Variants in ZMIZ1 observed in about 807,000 individuals in gnomAD.
ZMIZ1 encodes zinc finger MIZ-type containing 1.
A neutral mutation model predicts 113.9 loss-of-function variants in ZMIZ1; 17 were observed. The observed-to-expected ratio is 0.15, with a 90% CI of 0.10 to 0.22. ZMIZ1 has a LOEUF of 0.22. Among genes scored for constraint, ZMIZ1 ranks in the 10% least tolerant of loss-of-function variants. ZMIZ1 has a pLI of 1.00. For missense variants in ZMIZ1, 1,059 were observed against 1,477.8 expected (o/e 0.72, Z 4.65); for synonymous variants, 607 against 603.1 (o/e 1.01, Z -0.09).
chr10:79,173,546 G>A (rs950109227), intron 4 of ZMIZ1, among the ~76,000 whole-genome samples: 2 of 152,128 alleles, frequency 1.3e-5, no homozygotes, highest in Non-Finnish European at 2.9e-5. Context: ...GGAGTGTAAT[G>A]AGGAAGAATT....
At chr10:79,081,148 C>T (rs1344480271) in intron 1 of ZMIZ1, among the ~76,000 whole-genome samples, 2 of 151,868 alleles carry the variant, frequency 1.3e-5, no homozygotes, top group East Asian at 3.9e-4. Flanking sequence ...AAGGATACCT[C>T]TCCCCTAGTT....
chr10:79,215,735 G>T (rs1008196682), intron 6 of ZMIZ1, among the ~76,000 whole-genome samples: 4 of 152,190 alleles, frequency 2.6e-5, no homozygotes, highest in East Asian at 3.9e-4. Flanking sequence ...CCCAGTAGTG[G>T]GTGCAGGAGC....
Position 79,102,600 on chromosome 10 carries a change from T to C in ZMIZ1, c.-336-16315T>C, listed in dbSNP as rs7096176. Among the ~76,000 whole-genome samples the C allele has an allele frequency of 6.9e-3, 1,049 of 152,350 alleles. 13 individuals are homozygous for C. The highest frequency in any genetic ancestry group is 0.024 in the African/African-American group (1,017 of 41,588). ...TGGAGCCACCCAATTTCATGACTTT[T>C]CCATGGGTTCTTACTCCCTAATCCT... On this transcript the variant is annotated intron_variant, in intron 1 of 24. Coordinates refer to ENST00000334512, the MANE Select transcript of ZMIZ1 (RefSeq NM_020338.4).
At chr10:79,292,827 A>T in intron 11 of ZMIZ1, 3 of 462,306 alleles carry the variant, frequency 6.5e-6, no homozygotes, top group South Asian at 4.6e-5. Context: ...TTAGGGGATG[A>T]GGAGAGGGGA....
intron 4 of ZMIZ1, among the ~76,000 whole-genome samples, chr10:79,200,819 A>T (rs1054603764): frequency 4.2e-5 from 6 of 143,958 alleles, no homozygotes; most frequent in Non-Finnish European, 7.7e-5. Flanking sequence ...GCCACCTGAG[A>T]TCTCCACTCA....
chr10:79,220,969 G>A (rs966190361), intron 7 of ZMIZ1, among the ~76,000 whole-genome samples: 5 of 152,132 alleles, frequency 3.3e-5, no homozygotes, highest in East Asian at 1.9e-4. Flanking sequence ...ACCTGTGTGC[G>A]TGTCTGTGTG....
intron 7 of ZMIZ1, among the ~76,000 whole-genome samples, chr10:79,253,302 G>A (rs1211139158): frequency 6.6e-6 from 1 of 152,186 alleles, no homozygotes; most frequent in Non-Finnish European, 1.5e-5. Context: ...AATGGCTGTT[G>A]GATATAGGGT....
intron 8 of ZMIZ1, among the ~76,000 whole-genome samples, chr10:79,282,213 C>T (rs1000589776): frequency 5.3e-5 from 8 of 152,228 alleles, no homozygotes; most frequent in Non-Finnish European, 1.2e-4. Context: ...GAAAGCTGAG[C>T]GCTTTCACAA....
intron 8 of ZMIZ1, among the ~76,000 whole-genome samples, chr10:79,281,573 C>T (rs1052117596): frequency 6.6e-6 from 1 of 152,220 alleles, no homozygotes; most frequent in African/African-American, 2.4e-5. Flanking sequence ...ACCTAGAATG[C>T]AAAGCCAGTG....
At chr10:79,212,949 G>A (rs1302069614) in intron 6 of ZMIZ1, among the ~76,000 whole-genome samples, 1 of 152,094 alleles carries the variant, frequency 6.6e-6, no homozygotes, top group Non-Finnish European at 1.5e-5. Context: ...TCTGTGGCGT[G>A]AGGCTGGGTT....
chr10:79,279,883 G>C (rs1852597191), intron 8 of ZMIZ1, among the ~76,000 whole-genome samples: 1 of 152,190 alleles, frequency 6.6e-6, no homozygotes, highest in South Asian at 2.1e-4. Flanking sequence ...AATCAGGCAG[G>C]GAGGTTGCAG....
chr10:79,186,164 C>T (rs1847344721), intron 4 of ZMIZ1, among the ~76,000 whole-genome samples: 1 of 152,200 alleles, frequency 6.6e-6, no homozygotes. Flanking sequence ...GGGCCTGGGT[C>T]TTCCCATCTG....
chr10:79,274,057 C>T (rs1306437106), intron 7 of ZMIZ1, among the ~76,000 whole-genome samples: 1 of 151,700 alleles, frequency 6.6e-6, no homozygotes, highest in Non-Finnish European at 1.5e-5. Context: ...AAAAAGGGGC[C>T]TTTGGGGCCA....
At chr10:79,114,508 T>TGTGTGTGTGC (rs1843925755) in intron 1 of ZMIZ1, among the ~76,000 whole-genome samples, 2 of 64,848 alleles carry the variant, frequency 3.1e-5, no homozygotes, top group South Asian at 7.8e-4. Flanking sequence ...TGTGTGTGCG[T>TGTGTGTGTGC]GTGTGTGTGT....
At chr10:79,261,404 G>T (rs750991692) in intron 7 of ZMIZ1, among the ~76,000 whole-genome samples, 3 of 152,196 alleles carry the variant, frequency 2.0e-5, no homozygotes, top group African/African-American at 4.8e-5. Flanking sequence ...GGCGCTGGAG[G>T]GGGAGGAGGG....
At chr10:79,152,620 C>G (rs971846381) in intron 3 of ZMIZ1, among the ~76,000 whole-genome samples, 2 of 152,262 alleles carry the variant, frequency 1.3e-5, no homozygotes, top group Admixed American at 1.3e-4. Flanking sequence ...GGGCTGCTTT[C>G]TCCGCCCTGC....
intron 4 of ZMIZ1, among the ~76,000 whole-genome samples, chr10:79,177,516 A>G (rs903882647): frequency 2.0e-5 from 3 of 152,160 alleles, no homozygotes; most frequent in Admixed American, 6.5e-5. Flanking sequence ...GCCGGGGGAG[A>G]TCAGCAGAGC....
At chr10:79,232,758 C>T (rs567605615) in intron 7 of ZMIZ1, among the ~76,000 whole-genome samples, 4 of 152,234 alleles carry the variant, frequency 2.6e-5, no homozygotes, top group South Asian at 2.1e-4. Context: ...TTCAGCTTTA[C>T]GAAAATATTA....
chr10:79,143,776 G>A (rs1486184260), intron 3 of ZMIZ1, among the ~76,000 whole-genome samples: 1 of 151,828 alleles, frequency 6.6e-6, no homozygotes, highest in South Asian at 2.1e-4. Flanking sequence ...GGTGTGCAAG[G>A]TGTGATAGGG....
Sources: allele counts gnomAD v4.1 joint callset (sites outside exome capture counted in the v4.1 genomes callset), GRCh38; gene constraint gnomAD v4.1.1; transcripts MANE v1.5; gene names NCBI Gene and HGNC (gene_info 2026-07-23, HGNC 2026-07-21).